The following KCNK9 variants were observed in gnomAD, a reference collection of about 807,000 sequenced individuals.
KCNK9 encodes the protein potassium two pore domain channel subfamily K member 9, also known as potassium channel subfamily K member 9.
A neutral mutation model predicts 10.8 loss-of-function variants in KCNK9; 1 was observed. That is an observed-to-expected ratio of 0.09 (90% CI 0.03 to 0.44). The LOEUF is 0.44. KCNK9 is among the 20% of genes least tolerant of loss of function. The pLI, the probability that KCNK9 is intolerant of heterozygous loss-of-function variation, is 0.97. For missense variants in KCNK9, 303 were observed against 515.0 expected (o/e 0.59, Z 3.98); for synonymous variants, 231 against 222.7 (o/e 1.04, Z -0.33).
chr8:139,662,842 G>A (rs1816193863), intron 1 of KCNK9, among the ~76,000 whole-genome samples: 5 of 138,138 alleles, frequency 3.6e-5, no homozygotes. Context: ...TCAGGGAAAG[G>A]GGAGAAGGGA....
chr8:139,619,188 G>GTGCAA lies in KCNK9; in HGVS notation c.284-94_284-90dup. 4 of 1,410,620 alleles carry GTGCAA rather than the reference G, an allele frequency of 2.8e-6. No homozygotes were observed. In the South Asian group the frequency reaches 4.8e-5, roughly 17 times the overall value. 87.4% of individuals were successfully genotyped at this position (1,410,620 alleles called of 1,614,324 possible). ...GGGAGGGTCGACTTGGTGCAGTGCAGTGCAATGCAGAGGGACCTGGTACTG... is the reference window on the plus strand; with the variant it reads ...GGGAGGGTCGACTTGGTGCAGTGCAGTGCAATGCAATGCAGAGGGACCTGGTACTG... On this transcript the variant is annotated intron_variant, in intron 1 of 1. Coordinates refer to ENST00000520439, the MANE Select transcript of KCNK9 (RefSeq NM_001282534.2).
intron 1 of KCNK9, among the ~76,000 whole-genome samples, chr8:139,642,922 T>C (rs556216268): frequency 6.6e-6 from 1 of 152,190 alleles, no homozygotes; most frequent in East Asian, 1.9e-4. Flanking sequence ...AAGATTGGGG[T>C]AGGTGGCCAA....
intron 1 of KCNK9, among the ~76,000 whole-genome samples, chr8:139,663,380 C>T (rs1041058456): frequency 1.3e-5 from 2 of 152,054 alleles, no homozygotes; most frequent in Non-Finnish European, 1.5e-5. Context: ...CACATGCTCT[C>T]GGCGCCCCCA....
At chr8:139,662,257 G>C (rs1397699853) in intron 1 of KCNK9, among the ~76,000 whole-genome samples, 2 of 152,160 alleles carry the variant, frequency 1.3e-5, no homozygotes, top group Non-Finnish European at 2.9e-5. Context: ...GGGAGGCTGG[G>C]GTCCTTCCTG....
At chr8:139,663,685 G>A (rs1455689341) in intron 1 of KCNK9, among the ~76,000 whole-genome samples, 1 of 148,970 alleles carries the variant, frequency 6.7e-6, no homozygotes, top group Non-Finnish European at 1.5e-5. Context: ...GTGTGTGTTA[G>A]AGAGAGAGAT....
intron 1 of KCNK9, among the ~76,000 whole-genome samples, chr8:139,635,764 C>A (rs968215715): frequency 6.6e-6 from 1 of 152,100 alleles, no homozygotes; most frequent in Non-Finnish European, 1.5e-5. Context: ...CACAACCCCC[C>A]CACTCAGGAG....
At chr8:139,680,613 G>A (rs766614388) in intron 1 of KCNK9, among the ~76,000 whole-genome samples, 9 of 152,130 alleles carry the variant, frequency 5.9e-5, no homozygotes, top group Non-Finnish European at 1.0e-4. Flanking sequence ...CCACATGGCC[G>A]AGTGAGTGCT....
chr8:139,611,274 A>G (rs760232029), downstream of KCNK9: 4 of 152,256 alleles, frequency 2.6e-5, no homozygotes, highest in Non-Finnish European at 5.9e-5. Context: ...AGTAGGTGTT[A>G]TGTATAATCT....
chr8:139,611,597 C>G (rs1445683665), downstream of KCNK9: 1 of 152,274 alleles, frequency 6.6e-6, no homozygotes, highest in African/African-American at 2.4e-5. Context: ...GATGACATTC[C>G]CATCACGGGG....
intron 1 of KCNK9, among the ~76,000 whole-genome samples, chr8:139,634,646 C>T (rs1455593257): frequency 4.6e-5 from 7 of 152,146 alleles, no homozygotes; most frequent in Non-Finnish European, 1.0e-4. Context: ...GCTCAGACCC[C>T]AATTTGTCTC....
At chr8:139,697,955 A>T (rs78180091) in intron 1 of KCNK9, among the ~76,000 whole-genome samples, 1 of 152,090 alleles carries the variant, frequency 6.6e-6, no homozygotes, top group African/African-American at 2.4e-5. Context: ...ACCCTGCTGG[A>T]CATTACCAAG....
chr8:139,692,313 T>C (rs567075698), intron 1 of KCNK9, among the ~76,000 whole-genome samples: 2 of 152,354 alleles, frequency 1.3e-5, no homozygotes, highest in South Asian at 4.1e-4. Context: ...GATGAAATGA[T>C]AAAGTCAGCA....
intron 1 of KCNK9, among the ~76,000 whole-genome samples, chr8:139,658,718 C>T (rs1816080814): frequency 6.6e-6 from 1 of 152,224 alleles, no homozygotes; most frequent in African/African-American, 2.4e-5. Context: ...CTCCAGAGCC[C>T]CAGCTTTGCA....
Position 139,618,571 on chromosome 8 carries a change from A to ATGCTGT in KCNK9, c.806_811dup (p.Asn269_Ser270dup). The ATGCTGT allele has an allele frequency of 6.2e-7, 1 of 1,613,712 alleles. No individual in the cohort carries two copies. Among genetic ancestry groups the ATGCTGT allele is most frequent in the East Asian group, 2.2e-5 (1 of 44,876 alleles). On this transcript the variant is annotated inframe_insertion, in exon 2 of 2. Coordinates refer to ENST00000520439, the MANE Select transcript of KCNK9 (RefSeq NM_001282534.2). The surrounding 1 kb of genome is among the most constrained non-coding windows in gnomAD (Gnocchi z 7.9). ...CGGCTCCTCAGGGATGTGAATGACC[A>ATGCTGT]TGCTGTTGCGGTTTCCGGCGAGGGA...
At chr8:139,634,976 G>A (rs892125097) in intron 1 of KCNK9, among the ~76,000 whole-genome samples, 1 of 152,136 alleles carries the variant, frequency 6.6e-6, no homozygotes, top group Non-Finnish European at 1.5e-5. Flanking sequence ...AGGCGTCTAG[G>A]GCCAGCATCA....
intron 2 of KCNK9, among the ~76,000 whole-genome samples, chr8:139,605,541 TTTC>T (rs1817467091): frequency 5.3e-5 from 8 of 152,200 alleles, no homozygotes; most frequent in Admixed American, 5.2e-4. Context: ...TGCACTCTGC[TTTC>T]AGAATGTGGT....
chr8:139,671,971 GA>G (rs976950176), intron 1 of KCNK9, among the ~76,000 whole-genome samples: 4 of 152,180 alleles, frequency 2.6e-5, no homozygotes, highest in African/African-American at 9.7e-5. Flanking sequence ...AGGCAGATGT[GA>G]AAATGTTAAC....
intron 1 of KCNK9, among the ~76,000 whole-genome samples, chr8:139,682,745 T>C (rs1354381214): frequency 6.6e-6 from 1 of 152,228 alleles, no homozygotes; most frequent in Admixed American, 6.5e-5. Context: ...GCACAGGCCC[T>C]GGCCATCTCA....
intron 1 of KCNK9, among the ~76,000 whole-genome samples, chr8:139,689,787 C>T (rs1457866786): frequency 3.3e-5 from 5 of 152,110 alleles, no homozygotes; most frequent in Admixed American, 1.3e-4. Context: ...GGACTACAGG[C>T]GCCCGCCACC....
Sources: allele counts gnomAD v4.1 joint callset (sites outside exome capture counted in the v4.1 genomes callset), GRCh38; gene constraint gnomAD v4.1.1; non-coding constraint Gnocchi (gnomAD v3.1); transcripts MANE v1.5; gene names NCBI Gene and HGNC (gene_info 2026-07-23, HGNC 2026-07-21).